Variants in MYOF observed in about 807,000 individuals in gnomAD.
MYOF encodes fer-1-like 3, myoferlin.
A neutral mutation model predicts 284.2 loss-of-function variants in MYOF; 244 were observed. The observed-to-expected ratio is 0.86, with a 90% CI of 0.77 to 0.95. The LOEUF (loss-of-function observed/expected upper bound fraction) is 0.95. Among genes scored for constraint, MYOF ranks in the 40% least tolerant of loss-of-function variants. The pLI is 0.00. For synonymous variants in MYOF, 904 were observed against 919.7 expected, an observed-to-expected ratio of 0.98 and a Z score of 0.31; for missense variants, 2,496 against 2,560.6, an observed-to-expected ratio of 0.97 and a Z score of 0.54.
At chr10:93,313,265 T>C in intron 50 of MYOF, 55 bp from the exon 51 acceptor site, 2 of 1,534,230 alleles carry the variant, frequency 1.3e-6, no homozygotes, top group Non-Finnish European at 1.8e-6. Context: ...TCAGCTGTTG[T>C]TCACAAGTGA....
At chr10:93,404,120 G>A (rs140942383) in intron 8 of MYOF, 37 bp downstream of exon 8, 74 of 1,613,868 alleles carry the variant, frequency 4.6e-5, no homozygotes, top group South Asian at 4.3e-4. Context: ...TTGCCTGGCA[G>A]TGAGTGAGCA....
At chr10:93,361,670 TACCATCTTA>T (rs2133929506) in intron 27 of MYOF, 113 bp from the exon 28 acceptor site, 1 of 848,838 alleles carries the variant, frequency 1.2e-6, no homozygotes, top group Non-Finnish European at 1.9e-6. Context: ...TTTACTTAGA[TACCATCTTA>T]GAGATCCATT....
At chr10:93,375,064 C>T in intron 22 of MYOF, 109 bp from the exon 23 acceptor site, 1 of 1,074,572 alleles carries the variant, frequency 9.3e-7, no homozygotes. Context: ...CAAACCACAT[C>T]AACCTCCTAA....
intron 52 of MYOF, 129 bp from the exon 53 acceptor site, chr10:93,310,296 G>A (rs1026785550): frequency 3.0e-5 from 37 of 1,236,306 alleles, no homozygotes; most frequent in South Asian, 1.8e-4. Context: ...GTTCCCCTTC[G>A]TTGACTGAGA....
chr10:93,443,936 C>T (rs1309492961), intron 3 of MYOF, among the ~76,000 whole-genome samples: 1 of 152,204 alleles, frequency 6.6e-6, no homozygotes, highest in Non-Finnish European at 1.5e-5. Flanking sequence ...CGGCTTCTGC[C>T]TGGCTCCAGA....
intron 1 of MYOF, among the ~76,000 whole-genome samples, chr10:93,463,694 C>T (rs1381098605): frequency 2.0e-5 from 3 of 151,788 alleles, no homozygotes; most frequent in Non-Finnish European, 4.4e-5. Flanking sequence ...GGCACCACAC[C>T]CGGCCCATCT....
intron 4 of MYOF, among the ~76,000 whole-genome samples, chr10:93,430,143 C>T (rs974895050): frequency 3.3e-5 from 5 of 151,532 alleles, no homozygotes; most frequent in African/African-American, 4.8e-5. Context: ...ACCATGTTAG[C>T]CAGGATGGTC....
At chr10:93,333,718 T>C in intron 42 of MYOF, 40 bp downstream of exon 42, 1 of 1,603,550 alleles carries the variant, frequency 6.2e-7, no homozygotes, top group Non-Finnish European at 8.5e-7. Context: ...TGACTGTAAT[T>C]ATCTTGCTAC....
chr10:93,430,304 A>G (rs1442593971), intron 4 of MYOF, among the ~76,000 whole-genome samples: 1 of 149,804 alleles, frequency 6.7e-6, no homozygotes, highest in African/African-American at 2.4e-5. Flanking sequence ...TTATGAGGCC[A>G]GGCGTGGTGG....
At chr10:93,446,796 C>T (rs2056442977) in intron 3 of MYOF, among the ~76,000 whole-genome samples, 1 of 151,780 alleles carries the variant, frequency 6.6e-6, no homozygotes, top group African/African-American at 2.4e-5. Flanking sequence ...TCTCAGTTCA[C>T]TGCAACCTCT....
rs1289582834 is a variant in MYOF, at chr10:93,389,228, T to G, written c.1457-74A>C. 2.0e-6 allele frequency: 3 copies of G among 1,487,538 alleles called. No homozygotes were observed. In the Admixed American group the frequency reaches 6.8e-5, roughly 34 times the overall value. 92.1% of individuals were successfully genotyped at this position (1,487,538 alleles called of 1,614,324 possible). A position where few individuals can be genotyped will look rare whatever the true frequency, so the allele number is the denominator to read the frequency against. On this transcript the variant is annotated intron_variant, in intron 17 of 53. Coordinates refer to ENST00000359263, the MANE Select transcript of MYOF (RefSeq NM_013451.4). Reference sequence around the variant, plus strand: ...TATTGAAATAAATATTAGTTATTAGTTAGTTAGGTGAGACTATTTTCCTCC... The same window carrying G: ...TATTGAAATAAATATTAGTTATTAGGTAGTTAGGTGAGACTATTTTCCTCC...
At position 93,392,906 on chromosome 10, in the gene MYOF, G is replaced by T. The variant is rs148983978; in HGVS notation, c.1456+11C>A. On this transcript the variant is annotated intron_variant, in intron 17 of 53. Transcript: ENST00000359263. Reference sequence around the variant, plus strand: ...AAGATATAACAGAGAGCAAAATTACGAAGCATAAACCTGTATATGATGCAG... The same window carrying T: ...AAGATATAACAGAGAGCAAAATTACTAAGCATAAACCTGTATATGATGCAG... 13 of 1,606,254 alleles carry T rather than the reference G, an allele frequency of 8.1e-6. No homozygotes were observed. The African/African-American group carries it at 1.3e-4, about 17-fold the overall frequency.
intron 1 of MYOF, among the ~76,000 whole-genome samples, chr10:93,474,099 C>T (rs1105340): frequency 0.78 from 118,007 of 152,028 alleles, 46,270 homozygotes; most frequent in South Asian, 0.85. Flanking sequence ...CAGTGTGGCT[C>T]CCTTATCACT....
chr10:93,404,485 G>C (rs1847454828), intron 7 of MYOF, among the ~76,000 whole-genome samples: 1 of 152,034 alleles, frequency 6.6e-6, no homozygotes, highest in African/African-American at 2.4e-5. Context: ...GTTCACCTGG[G>C]GCTAGATATC....
In MYOF at chr10:93,452,332, C is replaced by G. The variant is rs771991134; in HGVS notation, c.145-191G>C. 7.9e-5 allele frequency among the ~76,000 whole-genome samples: 12 copies of G among 151,982 alleles called. 1 individual carries two copies. Among genetic ancestry groups the G allele is most frequent in the Non-Finnish European group, 1.3e-4 (9 of 68,016 alleles). ...GGGGGCAGGAAAGCAAACCAGATGT[C>G]GACTTAGAGGACCTGTAGACAACTC... On this transcript the variant is annotated intron_variant, in intron 2 of 53. Transcript: ENST00000359263.
chr10:93,427,789 CA>C (rs1261749476), intron 4 of MYOF, among the ~76,000 whole-genome samples: 8 of 152,080 alleles, frequency 5.3e-5, no homozygotes, highest in African/African-American at 1.9e-4. Flanking sequence ...TTACAAGAGA[CA>C]ATGTTATTCC....
At chr10:93,386,186 T>A (rs922044183) in intron 19 of MYOF, among the ~76,000 whole-genome samples, 2 of 152,242 alleles carry the variant, frequency 1.3e-5, no homozygotes, top group Non-Finnish European at 2.9e-5. Flanking sequence ...AGAACCACCA[T>A]GTGTCTCCAC....
Position 93,347,597 on chromosome 10 carries a change from T to C in MYOF, c.4249+20A>G, listed in dbSNP as rs747325912. 6.8e-7 allele frequency: 1 copy of C among 1,466,780 alleles called. No individual in the cohort carries two copies. The highest frequency in any genetic ancestry group is 2.5e-5 in the East Asian group (1 of 40,350). The allele number at this position is 1,466,780 out of a possible 1,614,324, so 90.9% of individuals were successfully genotyped here. A position where few individuals can be genotyped will look rare whatever the true frequency, so the allele number is the denominator to read the frequency against. On this transcript the variant is annotated intron_variant, in intron 37 of 53. Coordinates refer to ENST00000359263, the MANE Select transcript of MYOF (RefSeq NM_013451.4). The stretch of plus-strand genomic sequence containing the variant: ...AAAAAAAGAAAAGCCCCCAGACTTA[T>C]GCACAGCCTTGCATGTTACCTTTGA...
chr10:93,369,802 T>C, intron 24 of MYOF, 26 bp from the exon 25 acceptor site: 2 of 1,613,848 alleles, frequency 1.2e-6, no homozygotes, highest in East Asian at 2.2e-5. Context: ...TAGCATGTGA[T>C]GTTACATTAG....
Sources: allele counts gnomAD v4.1 joint callset (sites outside exome capture counted in the v4.1 genomes callset), GRCh38; gene constraint gnomAD v4.1.1; transcripts MANE v1.5; gene names NCBI Gene and HGNC (gene_info 2026-07-23, HGNC 2026-07-21).